COLEC10: variants seen among roughly 807,000 people sequenced by gnomAD.
COLEC10 encodes collectin subfamily member 10.
COLEC10 carries 22 observed loss-of-function variants against 28.4 expected under a neutral mutation model. The observed-to-expected ratio is 0.78, with a 90% CI of 0.55 to 1.11. COLEC10 has a LOEUF of 1.11. COLEC10 is among the 50% of genes least tolerant of loss of function. The probability of loss-of-function intolerance (pLI) is 0.00; values close to 1 mark genes in which losing one functional copy is unlikely to be tolerated. For missense variants in COLEC10, 361 were observed against 344.1 expected, an observed-to-expected ratio of 1.05 and a Z score of -0.39; for synonymous variants, 125 against 116.1, an observed-to-expected ratio of 1.08 and a Z score of -0.49.
At chr8:119,021,580 G>T (rs777719266) in intron 2 of COLEC10, among the ~76,000 whole-genome samples, 1 of 152,090 alleles carries the variant, frequency 6.6e-6, no homozygotes, top group Non-Finnish European at 1.5e-5. Context: ...TGTGCATCTT[G>T]GGTTAAGGCC....
At chr8:119,061,082 TC>T (rs1456678438) in intron 2 of COLEC10, among the ~76,000 whole-genome samples, 1 of 152,042 alleles carries the variant, frequency 6.6e-6, no homozygotes, top group Non-Finnish European at 1.5e-5. Flanking sequence ...CAATAAACAT[TC>T]GTTGAATGAA....
intron 2 of COLEC10, among the ~76,000 whole-genome samples, chr8:119,026,730 G>A (rs889378741): frequency 6.6e-6 from 1 of 152,256 alleles, no homozygotes; most frequent in Non-Finnish European, 1.5e-5. Flanking sequence ...TCAGGTTTGG[G>A]CAAAAAGGGA....
At chr8:119,042,893 G>T (rs568675641) in intron 2 of COLEC10, among the ~76,000 whole-genome samples, 6 of 152,198 alleles carry the variant, frequency 3.9e-5, no homozygotes, top group Non-Finnish European at 5.9e-5. Flanking sequence ...TGCAGCTTGG[G>T]TAAGAATGTG....
chr8:118,968,704 A>C, the COLEC10 span, among the ~76,000 whole-genome samples: 1 of 151,902 alleles, frequency 6.6e-6, no homozygotes, highest in African/African-American at 2.4e-5. Context: ...TACATGTGCC[A>C]TGGTGGTTTA....
chr8:119,019,444 C>A (rs1398367522), intron 2 of COLEC10, among the ~76,000 whole-genome samples: 1 of 152,102 alleles, frequency 6.6e-6, no homozygotes, highest in Non-Finnish European at 1.5e-5. Flanking sequence ...GTCTTTGGAG[C>A]CTATGGGAGT....
intron 2 of COLEC10, among the ~76,000 whole-genome samples, chr8:119,057,160 TCTC>T (rs1284688493): frequency 6.6e-6 from 1 of 152,024 alleles, no homozygotes; most frequent in Non-Finnish European, 1.5e-5. Flanking sequence ...TCCATGCTGT[TCTC>T]ATCATAGTGA....
chr8:119,051,924 C>T (rs1587021901), intron 2 of COLEC10, among the ~76,000 whole-genome samples: 1 of 152,066 alleles, frequency 6.6e-6, no homozygotes, highest in Admixed American at 6.6e-5. Flanking sequence ...TGAGGCAAAT[C>T]ACTTAAACAC....
rs909153389 is a variant in COLEC10, at chr8:119,090,833, G to T, written c.221-316G>T. ...TAAAGAAGAACAAAACCAGAATCGA[G>T]TCAAGAATACTTTCACCTGGCCCTT... On this transcript the variant is annotated intron_variant, in intron 2 of 5. Transcript: ENST00000332843. 2.0e-5 allele frequency among the ~76,000 whole-genome samples: 3 copies of T among 152,264 alleles called. No individual in the cohort carries two copies. The South Asian group carries it at 6.2e-4, about 32-fold the overall frequency.
At chr8:119,049,042 C>T (rs1332289588) in intron 2 of COLEC10, among the ~76,000 whole-genome samples, 1 of 152,156 alleles carries the variant, frequency 6.6e-6, no homozygotes, top group African/African-American at 2.4e-5. Context: ...GAAATGTATT[C>T]CCTCAGCATT....
At chr8:118,996,957 G>A (rs61019955) in intron 1 of COLEC10, among the ~76,000 whole-genome samples, 2,516 of 152,186 alleles carry the variant, frequency 0.017, 62 homozygotes, top group African/African-American at 0.058. Context: ...ATTACCACAG[G>A]GGTGGCATCA....
intron 1 of COLEC10, among the ~76,000 whole-genome samples, chr8:119,068,959 T>A (rs1019517466): frequency 6.6e-6 from 1 of 151,764 alleles, no homozygotes; most frequent in Non-Finnish European, 1.5e-5. Flanking sequence ...AAATTCTTAA[T>A]AAAATAAATT....
intron 3 of COLEC10, among the ~76,000 whole-genome samples, chr8:119,095,258 T>C (rs903249785): frequency 1.3e-5 from 2 of 152,132 alleles, no homozygotes; most frequent in Non-Finnish European, 2.9e-5. Context: ...TTATAAGCCC[T>C]CCACAATAAA....
chr8:119,102,412 T>G lies in COLEC10; in HGVS notation c.346+11T>G. On this transcript the variant is annotated intron_variant, in intron 4 of 5. Coordinates refer to ENST00000332843, the MANE Select transcript of COLEC10 (RefSeq NM_006438.5). ...AAAAAGGCAAAGCAGGTACGATATG[T>G]TCAATGTTCTCTTTGATTTCTAGCA... The G allele has an allele frequency of 6.3e-7, 1 of 1,595,012 alleles. No homozygotes were observed. The highest frequency in any genetic ancestry group is 8.6e-7 in the Non-Finnish European group (1 of 1,169,262).
intron 2 of COLEC10, among the ~76,000 whole-genome samples, chr8:119,012,895 T>G (rs1813925277): frequency 6.6e-6 from 1 of 150,556 alleles, no homozygotes; most frequent in Non-Finnish European, 1.5e-5. Flanking sequence ...ATTGATTGTA[T>G]TTATCTATTC....
intron 1 of COLEC10, among the ~76,000 whole-genome samples, chr8:119,008,510 G>C (rs76327429): frequency 0.017 from 2,579 of 148,068 alleles, 81 homozygotes; most frequent in Middle Eastern, 0.031. Context: ...GATTTGGCTT[G>C]TGCTTAAGGT....
intron 2 of COLEC10, among the ~76,000 whole-genome samples, chr8:119,034,055 T>C (rs1415592874): frequency 3.9e-5 from 6 of 152,142 alleles, no homozygotes; most frequent in Non-Finnish European, 7.3e-5. Context: ...TGGTATACTA[T>C]CCAGACATAA....
At chr8:118,978,457 G>T in the COLEC10 span, among the ~76,000 whole-genome samples, 1 of 151,982 alleles carries the variant, frequency 6.6e-6, no homozygotes, top group Non-Finnish European at 1.5e-5. Flanking sequence ...CATCTGGGGA[G>T]TCACAGTTGA....
At chr8:118,968,504 G>C in the COLEC10 span, among the ~76,000 whole-genome samples, 1 of 151,864 alleles carries the variant, frequency 6.6e-6, no homozygotes, top group Non-Finnish European at 1.5e-5. Context: ...ACTTTCCATA[G>C]TCTCTAGGCT....
At chr8:119,058,774 GATA>G (rs989383902) in intron 2 of COLEC10, among the ~76,000 whole-genome samples, 7 of 152,166 alleles carry the variant, frequency 4.6e-5, no homozygotes, top group Non-Finnish European at 8.8e-5. Context: ...CTCCCAAGTA[GATA>G]TCTAGGAATT....
Sources: gnomAD v4.1 joint callset for allele counts (sites outside exome capture counted in the v4.1 genomes callset) on GRCh38, gnomAD v4.1.1 for gene constraint, MANE v1.5 for transcripts, NCBI Gene and HGNC (gene_info 2026-07-23, HGNC 2026-07-21) for gene names.